The following RNF150 variants were observed in gnomAD, a reference collection of about 807,000 sequenced individuals.
The protein encoded by RNF150 is ring finger protein 150.
A neutral mutation model predicts 39.3 loss-of-function variants in RNF150; 24 were observed. That is an observed-to-expected ratio of 0.61 (90% CI 0.44 to 0.86). The LOEUF is 0.86. Among genes scored for constraint, RNF150 ranks in the 40% least tolerant of loss-of-function variants. RNF150 has a pLI of 0.00. For synonymous variants in RNF150, 255 were observed against 227.3 expected, an observed-to-expected ratio of 1.12 and a Z score of -1.10; for missense variants, 502 against 587.8, an observed-to-expected ratio of 0.85 and a Z score of 1.51.
intron 6 of RNF150, among the ~76,000 whole-genome samples, chr4:140,890,746 C>T (rs1170147104): frequency 1.3e-5 from 2 of 152,190 alleles, no homozygotes; most frequent in Non-Finnish European, 2.9e-5. Flanking sequence ...TTTAAGCCAC[C>T]AGGTCTATGT....
rs1427799027 is a variant in RNF150, at chr4:140,863,202, G to A, written c.*5059C>T. On this transcript the variant is annotated 3_prime_UTR_variant, in exon 7 of 7. Transcript: ENST00000515673. ...TTTTTCCAAGAAATCCTAACCCTGG[G>A]GGCTCAGGCGAATGAGGAGGGTCAA... 1 of 152,150 alleles carries A rather than the reference G, an allele frequency of 6.6e-6. No individual in the cohort carries two copies. The highest frequency in any genetic ancestry group is 1.5e-5 in the Non-Finnish European group (1 of 68,052). 9.4% of individuals were successfully genotyped at this position (152,150 alleles called of 1,614,324 possible). A position where few individuals can be genotyped will look rare whatever the true frequency, so the allele number is the denominator to read the frequency against.
chr4:141,109,309 G>A (rs1209860103), intron 1 of RNF150, among the ~76,000 whole-genome samples: 7 of 151,898 alleles, frequency 4.6e-5, no homozygotes, highest in South Asian at 2.1e-4. Flanking sequence ...AAGCCATTCC[G>A]ATTCATAAAA....
At chr4:140,895,354 A>G (rs1729904144) in intron 6 of RNF150, among the ~76,000 whole-genome samples, 1 of 152,216 alleles carries the variant, frequency 6.6e-6, no homozygotes. Context: ...AAATGGGCAT[A>G]TTATAAGCAT....
intron 1 of RNF150, among the ~76,000 whole-genome samples, chr4:141,172,138 G>A (rs541599234): frequency 2.6e-5 from 4 of 152,252 alleles, no homozygotes; most frequent in South Asian, 2.1e-4. Context: ...CTGGTTAGCT[G>A]GTGCTTCTCT....
At chr4:141,101,300 A>C (rs892118310) in intron 1 of RNF150, among the ~76,000 whole-genome samples, 3 of 152,112 alleles carry the variant, frequency 2.0e-5, no homozygotes, top group Admixed American at 6.6e-5. Context: ...TCTATTTTTA[A>C]ATCTTTCATT....
chr4:141,186,845 C>CT (rs1728021908), intron 1 of RNF150, among the ~76,000 whole-genome samples: 2 of 152,074 alleles, frequency 1.3e-5, no homozygotes, highest in African/African-American at 4.8e-5. Flanking sequence ...TTTCATGTCT[C>CT]TATCTCCTTC....
rs568683198 is a variant in RNF150 at position 140,911,555 on chromosome 4, T to C, written c.988-201A>G. Among the ~76,000 whole-genome samples the C allele has an allele frequency of 9.2e-5, 14 of 152,286 alleles. 1 individual carries two copies. In the East Asian group the frequency reaches 2.7e-3, roughly 29 times the overall value. ...TCTTCCAAAATTTCCTTTCCAAAGG[T>C]TCATTTTAGATTGAAAAGATTCCTT... On this transcript the variant is annotated intron_variant, in intron 5 of 6. Coordinates refer to ENST00000515673, the MANE Select transcript of RNF150 (RefSeq NM_020724.2).
chr4:141,171,020 A>G (rs763433626), intron 1 of RNF150, among the ~76,000 whole-genome samples: 5 of 152,194 alleles, frequency 3.3e-5, no homozygotes, highest in Non-Finnish European at 5.9e-5. Flanking sequence ...ATCTTTCTCC[A>G]AGGAAATCAC....
At position 140,894,650 on chromosome 4, in the gene RNF150, ACAAT is replaced by A. The variant is rs1319967233; in HGVS notation, c.1198+16490_1198+16493del. On this transcript the variant is annotated intron_variant, in intron 6 of 6. Transcript: ENST00000515673. ...TTTTGCCAGTGCTTCCCAGTAGCAA[ACAAT>A]CAATGCACATTTTGAACTTGTATTC... is the stretch of plus-strand genomic sequence containing the variant. Among the ~76,000 whole-genome samples, 49 of 152,300 alleles carry A rather than the reference ACAAT, an allele frequency of 3.2e-4. 1 individual carries two copies. The highest frequency in any genetic ancestry group is 1.2e-3 in the African/African-American group (49 of 41,564).
chr4:140,970,283 AGAAAGAAGGAAG>A (rs1444659227), intron 1 of RNF150, among the ~76,000 whole-genome samples: 1 of 152,222 alleles, frequency 6.6e-6, no homozygotes, highest in Non-Finnish European at 1.5e-5. Context: ...TGTGATAAGC[AGAAAGAAGGAAG>A]ATTAGGATGC....
At chr4:141,109,562 G>A (rs1739320683) in intron 1 of RNF150, among the ~76,000 whole-genome samples, 1 of 152,120 alleles carries the variant, frequency 6.6e-6, no homozygotes, top group Middle Eastern at 3.4e-3. Context: ...CCTTAGATGG[G>A]ATCATAAGGA....
chr4:140,992,877 A>G lies in RNF150; in HGVS notation c.485-25004T>C, dbSNP rs748454558. ...GTGCAGAAGAGGGCAACTGAGGTCT[A>G]ATAACAATGACAGGACAGCCTCTTC... is the stretch of plus-strand genomic sequence containing the variant. On this transcript the variant is annotated intron_variant, in intron 1 of 6. Coordinates refer to ENST00000515673, the MANE Select transcript of RNF150 (RefSeq NM_020724.2). Among the ~76,000 whole-genome samples the G allele has an allele frequency of 4.1e-4, 62 of 152,112 alleles. 1 individual carries two copies. Among genetic ancestry groups the G allele is most frequent in the Admixed American group, 1.9e-3 (29 of 15,258 alleles).
chr4:140,979,383 G>T (rs1332503020), intron 1 of RNF150, among the ~76,000 whole-genome samples: 2 of 151,850 alleles, frequency 1.3e-5, no homozygotes, highest in African/African-American at 4.8e-5. Flanking sequence ...CTTCTAGCTG[G>T]GTGACTTTGG....
rs879045141 is a variant in RNF150, at chr4:141,132,114, G to C, written c.484+211C>G. Among the ~76,000 whole-genome samples, 1 of 152,130 alleles carries C rather than the reference G, an allele frequency of 6.6e-6. No individual in the cohort carries two copies. Among genetic ancestry groups the C allele is most frequent in the Non-Finnish European group, 1.5e-5 (1 of 68,024 alleles). On this transcript the variant is annotated intron_variant, in intron 1 of 6. Transcript: ENST00000515673. This position sits in a 1 kb window ranked among gnomAD's most constrained non-coding sequence, Gnocchi z 4.9. ...CAAGCGGCGCTATGCCAAGCTCTCC[G>C]GCAGCCTCTCCCCTACCCAATACAG...
intron 3 of RNF150, among the ~76,000 whole-genome samples, chr4:140,948,141 G>GTA (rs1021905959): frequency 3.3e-5 from 5 of 151,796 alleles, no homozygotes; most frequent in African/African-American, 1.2e-4. Flanking sequence ...TTTTTTTCAA[G>GTA]TATATATATA....
rs75572385 is a variant in RNF150, at chr4:141,013,886, A to T, written c.485-46013T>A. ...TTTTAAAATATATAAGACATTATTA[A>T]TGACTATAGTCACTGTGCTGTGCAA... On this transcript the variant is annotated intron_variant, in intron 1 of 6. Coordinates refer to ENST00000515673, the MANE Select transcript of RNF150 (RefSeq NM_020724.2). 3.2e-3 allele frequency among the ~76,000 whole-genome samples: 490 copies of T among 152,274 alleles called. 2 individuals are homozygous for T. Among genetic ancestry groups the T allele is most frequent in the African/African-American group, 0.011 (472 of 41,564 alleles).
intron 6 of RNF150, among the ~76,000 whole-genome samples, chr4:140,881,649 AG>A (rs141765187): frequency 0.18 from 26,780 of 152,132 alleles, 2,931 homozygotes; most frequent in Middle Eastern, 0.31. Flanking sequence ...CCAAGGTGGG[AG>A]GATTGCTTGA....
At chr4:140,915,737 C>A (rs60179902) in intron 5 of RNF150, among the ~76,000 whole-genome samples, 55,441 of 152,006 alleles carry the variant, frequency 0.36, 11,383 homozygotes, top group Non-Finnish European at 0.47. Flanking sequence ...TGAGAACGGG[C>A]AGACTGCCTC....
intron 4 of RNF150, among the ~76,000 whole-genome samples, chr4:140,934,432 T>C (rs1731760367): frequency 1.3e-5 from 2 of 152,192 alleles, no homozygotes; most frequent in East Asian, 1.9e-4. Context: ...GCAAATATGA[T>C]AGCAGTTTCA....
Sources: allele counts gnomAD v4.1 joint callset (sites outside exome capture counted in the v4.1 genomes callset), GRCh38; gene constraint gnomAD v4.1.1; non-coding constraint Gnocchi (gnomAD v3.1); transcripts MANE v1.5; gene names NCBI Gene and HGNC (gene_info 2026-07-23, HGNC 2026-07-21).